UBE2H: variants seen among roughly 807,000 people sequenced by gnomAD.
The protein encoded by UBE2H is ubiquitin conjugating enzyme E2 H.
A neutral mutation model predicts 29.0 loss-of-function variants in UBE2H; 3 were observed. The ratio of observed to expected loss-of-function variants is 0.10; its 90% confidence interval spans 0.05 to 0.27. The LOEUF is 0.27. UBE2H is among the 10% of genes least tolerant of loss of function. UBE2H has a pLI of 1.00. For missense variants in UBE2H, 68 were observed against 228.2 expected (o/e 0.30, Z 4.52); for synonymous variants, 69 against 82.9 (o/e 0.83, Z 0.91).
Position 129,832,502 on chromosome 7 carries a change from A to ACT in UBE2H, c.*2433_*2434dup, listed in dbSNP as rs60708125. 148,712 of 150,458 alleles carry ACT rather than the reference A, an allele frequency of 0.99. 73,502 individuals carry two copies. Among genetic ancestry groups the ACT allele is most frequent in the South Asian group, 1 (4,749 of 4,754 alleles). 9.3% of individuals were successfully genotyped at this position (150,458 alleles called of 1,614,324 possible). On this transcript the variant is annotated 3_prime_UTR_variant, in exon 7 of 7. Transcript: ENST00000355621. ...CTCACACATGTGCACACATACACAC[A>ACT]CTCTCTCTCTCTGCAGCCACACTCA...
intron 1 of UBE2H, among the ~76,000 whole-genome samples, chr7:129,887,799 G>A (rs923683734): frequency 6.6e-6 from 1 of 151,994 alleles, no homozygotes; most frequent in Non-Finnish European, 1.5e-5. Flanking sequence ...CTCGGGAGGC[G>A]GAGATTACGG....
intron 1 of UBE2H, among the ~76,000 whole-genome samples, chr7:129,912,259 T>C (rs560861802): frequency 1.5e-3 from 232 of 152,322 alleles, no homozygotes; most frequent in African/African-American, 5.5e-3. Context: ...GCCTAAAATA[T>C]TTACTACAGG....
chr7:129,902,101 C>T (rs1195560380), intron 1 of UBE2H, among the ~76,000 whole-genome samples: 1 of 152,130 alleles, frequency 6.6e-6, no homozygotes, highest in Admixed American at 6.5e-5. Context: ...GGGAACTCAG[C>T]ATACAAAGAG....
At chr7:129,909,577 C>T (rs867491479) in intron 1 of UBE2H, among the ~76,000 whole-genome samples, 1 of 152,006 alleles carries the variant, frequency 6.6e-6, no homozygotes, top group Non-Finnish European at 1.5e-5. Context: ...AAAAATGGGC[C>T]GGGAGTGGTG....
At chr7:129,835,173 G>A in intron 6 of UBE2H, 112 bp from the exon 7 acceptor site, 3 of 1,444,410 alleles carry the variant, frequency 2.1e-6, no homozygotes, top group South Asian at 2.5e-5. Flanking sequence ...TGAACACCAG[G>A]GGGGACAAAG....
intron 1 of UBE2H, among the ~76,000 whole-genome samples, chr7:129,901,418 G>A (rs1024122566): frequency 6.6e-6 from 1 of 152,126 alleles, no homozygotes; most frequent in African/African-American, 2.4e-5. Context: ...ACTGCACAGC[G>A]CCACAGGGAG....
chr7:129,857,805 T>C (rs1421794283), intron 4 of UBE2H, among the ~76,000 whole-genome samples: 2 of 152,102 alleles, frequency 1.3e-5, no homozygotes, highest in African/African-American at 2.4e-5. Context: ...CTGAACCAGG[T>C]GCTGAGAACA....
At chr7:129,843,242 G>A (rs1333976709) in intron 5 of UBE2H, among the ~76,000 whole-genome samples, 1 of 151,916 alleles carries the variant, frequency 6.6e-6, no homozygotes, top group East Asian at 1.9e-4. Flanking sequence ...CTCGTGATCT[G>A]CCCGCCTCGG....
At chr7:129,866,424 G>A (rs1313727639) in intron 3 of UBE2H, among the ~76,000 whole-genome samples, 2 of 152,132 alleles carry the variant, frequency 1.3e-5, no homozygotes, top group African/African-American at 2.4e-5. Context: ...TCATTTTTGG[G>A]AGACTAACTT....
chr7:129,900,505 A>T (rs1182603833), intron 1 of UBE2H, among the ~76,000 whole-genome samples: 1 of 152,166 alleles, frequency 6.6e-6, no homozygotes, highest in African/African-American at 2.4e-5. Flanking sequence ...ACTTTCTCAC[A>T]TTGGAGTATC....
At chr7:129,931,221 C>CA (rs1334844837) in intron 1 of UBE2H, among the ~76,000 whole-genome samples, 1 of 143,100 alleles carries the variant, frequency 7.0e-6, no homozygotes, top group Non-Finnish European at 1.5e-5. Context: ...AACCCTGTCT[C>CA]AAAAAGAAAA....
chr7:129,836,450 C>T (rs1013567928), intron 6 of UBE2H, among the ~76,000 whole-genome samples: 1 of 152,182 alleles, frequency 6.6e-6, no homozygotes, highest in African/African-American at 2.4e-5. Context: ...GAAGCAGTTA[C>T]GGACGAAAAA....
At chr7:129,926,571 A>G (rs1807275327) in intron 1 of UBE2H, among the ~76,000 whole-genome samples, 1 of 152,078 alleles carries the variant, frequency 6.6e-6, no homozygotes, top group Non-Finnish European at 1.5e-5. Context: ...CAGCCTCCTG[A>G]GTCGCTGAAA....
intron 1 of UBE2H, among the ~76,000 whole-genome samples, chr7:129,890,492 G>C (rs2116396783): frequency 6.6e-6 from 1 of 152,056 alleles, no homozygotes; most frequent in South Asian, 2.1e-4. Flanking sequence ...CGATTCTCCT[G>C]CCTCAGCCTC....
intron 1 of UBE2H, among the ~76,000 whole-genome samples, chr7:129,887,490 G>A (rs1216285693): frequency 6.6e-6 from 1 of 152,120 alleles, no homozygotes; most frequent in East Asian, 1.9e-4. Context: ...AAAGTGTTGG[G>A]ATTATGGGAG....
chr7:129,877,781 A>G lies in UBE2H; in HGVS notation c.205+1787T>C, dbSNP rs560043205. 2.7e-5 allele frequency among the ~76,000 whole-genome samples: 4 copies of G among 149,882 alleles called. No homozygotes were observed. The South Asian group carries it at 8.6e-4, about 32-fold the overall frequency. On this transcript the variant is annotated intron_variant, in intron 3 of 6. Coordinates refer to ENST00000355621, the MANE Select transcript of UBE2H (RefSeq NM_003344.4). ...GCCTAAAGTTTAGACATTATTACCTAGAAAGTTATGATGAGATAATCATAT... is the reference window on the plus strand; with the variant it reads ...GCCTAAAGTTTAGACATTATTACCTGGAAAGTTATGATGAGATAATCATAT...
intron 5 of UBE2H, among the ~76,000 whole-genome samples, chr7:129,853,283 T>C (rs1450452764): frequency 1.3e-5 from 2 of 152,200 alleles, no homozygotes; most frequent in Non-Finnish European, 2.9e-5. Context: ...AAAAGCTACC[T>C]GTGGCTTAAT....
intron 5 of UBE2H, among the ~76,000 whole-genome samples, chr7:129,840,690 T>C: frequency 6.6e-6 from 1 of 152,170 alleles, no homozygotes; most frequent in East Asian, 1.9e-4. Context: ...GACATGAGAA[T>C]GCTTCCATGT....
chr7:129,918,365 T>TA (rs1340916033), intron 1 of UBE2H, among the ~76,000 whole-genome samples: 1 of 150,288 alleles, frequency 6.7e-6, no homozygotes, highest in Non-Finnish European at 1.5e-5. Context: ...CCAAATTCTT[T>TA]TTTTTTTTTT....
Sources: gnomAD v4.1 joint callset for allele counts (sites outside exome capture counted in the v4.1 genomes callset) on GRCh38, gnomAD v4.1.1 for gene constraint, MANE v1.5 for transcripts, NCBI Gene and HGNC (gene_info 2026-07-23, HGNC 2026-07-21) for gene names.